Variants in PTPN1 observed in about 807,000 individuals in gnomAD.
PTPN1 encodes protein tyrosine phosphatase non-receptor type 1, also known as tyrosine-protein phosphatase non-receptor type 1.
Under a neutral mutation model 59.9 loss-of-function variants are expected in PTPN1, and 12 were observed. That is an observed-to-expected ratio of 0.20 (90% CI 0.13 to 0.32). The LOEUF is 0.32. Ranked by LOEUF, PTPN1 falls within the 10% of genes least tolerant of loss-of-function variation. The pLI is 1.00. For synonymous variants in PTPN1, 178 were observed against 203.6 expected (o/e 0.87, Z 1.07); for missense variants, 356 against 549.2 (o/e 0.65, Z 3.52).
intron 1 of PTPN1, among the ~76,000 whole-genome samples, chr20:50,558,606 C>G (rs983503958): frequency 5.9e-5 from 9 of 152,102 alleles, no homozygotes; most frequent in Admixed American, 5.9e-4. Context: ...GGTGGTTGGT[C>G]TATAGACTTG....
chr20:50,531,268 T>A (rs777598268), intron 1 of PTPN1, among the ~76,000 whole-genome samples: 33 of 152,210 alleles, frequency 2.2e-4, no homozygotes, highest in Non-Finnish European at 4.1e-4. Context: ...TTACTGAGTG[T>A]TTTTAAACAT....
At chr20:50,576,747 G>A (rs2082838702) in intron 5 of PTPN1, among the ~76,000 whole-genome samples, 1 of 151,704 alleles carries the variant, frequency 6.6e-6, no homozygotes, top group African/African-American at 2.4e-5. Flanking sequence ...GTGGTGGCGG[G>A]CACCTGTAAT....
intron 1 of PTPN1, among the ~76,000 whole-genome samples, chr20:50,549,086 C>T (rs770519237): frequency 1.3e-5 from 2 of 152,146 alleles, no homozygotes; most frequent in Admixed American, 6.5e-5. Context: ...GATTTTTGTT[C>T]TAGTTGATTT....
chr20:50,549,086 C>G (rs770519237), intron 1 of PTPN1, among the ~76,000 whole-genome samples: 1 of 152,146 alleles, frequency 6.6e-6, no homozygotes, highest in South Asian at 2.1e-4. Context: ...GATTTTTGTT[C>G]TAGTTGATTT....
intron 1 of PTPN1, among the ~76,000 whole-genome samples, chr20:50,560,105 C>G (rs1303754248): frequency 6.6e-6 from 1 of 152,074 alleles, no homozygotes; most frequent in East Asian, 1.9e-4. Context: ...TCTAGAGATG[C>G]TCTGCCTCCT....
intron 6 of PTPN1, 59 bp from the exon 7 acceptor site, chr20:50,579,106 GTTA>G: frequency 6.5e-7 from 1 of 1,536,932 alleles, no homozygotes. Flanking sequence ...ATCTAACGGT[GTTA>G]TTAACGTTGC....
In PTPN1 at chr20:50,578,736, C is replaced by T. The variant is rs544443408; in HGVS notation, c.702+107C>T. 8.7e-6 allele frequency: 8 copies of T among 919,426 alleles called. No individual in the cohort carries two copies. The African/African-American group carries it at 1.2e-4, about 13-fold the overall frequency. 57.0% of individuals were successfully genotyped at this position (919,426 alleles called of 1,614,324 possible). ...GCTCCTCTTCCAAAATACAGAGACT[C>T]ACTGTGTTAGTCTGTTTTTGCGTTA... On this transcript the variant is annotated intron_variant, in intron 6 of 9. Coordinates refer to ENST00000371621, the MANE Select transcript of PTPN1 (RefSeq NM_002827.4).
At chr20:50,525,193 G>A (rs1413892178) in intron 1 of PTPN1, among the ~76,000 whole-genome samples, 3 of 152,014 alleles carry the variant, frequency 2.0e-5, no homozygotes, top group African/African-American at 7.2e-5. Flanking sequence ...CTGAGTAGCT[G>A]GGATTACAGT....
intron 1 of PTPN1, among the ~76,000 whole-genome samples, chr20:50,556,686 G>A (rs1246916260): frequency 6.6e-6 from 1 of 152,188 alleles, no homozygotes; most frequent in Non-Finnish European, 1.5e-5. Flanking sequence ...TGGGTGTCGT[G>A]GCTCACACTT....
rs759655653 is a variant in PTPN1 at position 50,574,670 on chromosome 20, A to G, written c.492+16A>G. 3 of 1,589,188 alleles carry G rather than the reference A, an allele frequency of 1.9e-6. No homozygotes were observed. Among genetic ancestry groups the G allele is most frequent in the East Asian group, 4.6e-5 (2 of 43,442 alleles). ...AAACCTTACAGTGAGTATAGCACAC[A>G]CTTCAGCACTTCAGGCGGCTACTGG... On this transcript the variant is annotated intron_variant, in intron 5 of 9. Coordinates refer to ENST00000371621, the MANE Select transcript of PTPN1 (RefSeq NM_002827.4).
intron 1 of PTPN1, among the ~76,000 whole-genome samples, chr20:50,543,576 AAAG>A (rs2082661845): frequency 1.3e-5 from 2 of 152,214 alleles, no homozygotes; most frequent in African/African-American, 2.4e-5. Flanking sequence ...ACACAAACAC[AAAG>A]AAGACACCAA....
At chr20:50,521,531 C>T (rs1435590547) in intron 1 of PTPN1, among the ~76,000 whole-genome samples, 1 of 152,224 alleles carries the variant, frequency 6.6e-6, no homozygotes, top group Non-Finnish European at 1.5e-5. Context: ...ACTGCTTCAG[C>T]TTCCACATAC....
At chr20:50,533,237 C>T (rs776440731) in intron 1 of PTPN1, among the ~76,000 whole-genome samples, 4 of 152,124 alleles carry the variant, frequency 2.6e-5, no homozygotes, top group Middle Eastern at 3.2e-3. Flanking sequence ...AAACCATACA[C>T]GCATTTCCAT....
intron 1 of PTPN1, among the ~76,000 whole-genome samples, chr20:50,540,009 G>A (rs938981045): frequency 6.6e-6 from 1 of 151,160 alleles, no homozygotes; most frequent in African/African-American, 2.4e-5. Context: ...TTTGCCTGTC[G>A]TCTGTTTCTT....
chr20:50,573,401 C>G (rs922856212), intron 4 of PTPN1: 1 of 152,424 alleles, frequency 6.6e-6, no homozygotes, highest in Admixed American at 6.5e-5. Flanking sequence ...AAACATTTCC[C>G]TCTTCTGAAT....
At chr20:50,519,528 G>A (rs573614840) in intron 1 of PTPN1, among the ~76,000 whole-genome samples, 7 of 152,176 alleles carry the variant, frequency 4.6e-5, no homozygotes, top group African/African-American at 1.4e-4. Flanking sequence ...AAGTGGGAGC[G>A]TGGTATGTCC....
At position 50,577,040 on chromosome 20, in the gene PTPN1, C is replaced by G. The variant is rs538984073; in HGVS notation, c.493-1380C>G. ...AATGATGGAATTGCCTAGTGTGAGT[C>G]TAGCAATTATCCTAACATACACAAA... On this transcript the variant is annotated intron_variant, in intron 5 of 9. Transcript: ENST00000371621. Among the ~76,000 whole-genome samples the G allele has an allele frequency of 2.0e-5, 3 of 152,240 alleles. No individual in the cohort carries two copies. In the East Asian group the frequency reaches 5.8e-4, roughly 29 times the overall value.
chr20:50,550,691 C>G (rs2122763624), intron 1 of PTPN1, among the ~76,000 whole-genome samples: 1 of 152,306 alleles, frequency 6.6e-6, no homozygotes, highest in South Asian at 2.1e-4. Flanking sequence ...ATTCAGTTAA[C>G]AAAATTATGT....
chr20:50,576,925 C>T (rs2122800213), intron 5 of PTPN1, among the ~76,000 whole-genome samples: 1 of 152,082 alleles, frequency 6.6e-6, no homozygotes, highest in East Asian at 1.9e-4. Context: ...CTTTTCTTCC[C>T]CACCTGCCTC....
Sources: gnomAD v4.1 joint callset for allele counts (sites outside exome capture counted in the v4.1 genomes callset) on GRCh38, gnomAD v4.1.1 for gene constraint, MANE v1.5 for transcripts, NCBI Gene and HGNC (gene_info 2026-07-23, HGNC 2026-07-21) for gene names.